Variants in SHC2 observed in about 807,000 individuals in gnomAD.
The protein encoded by SHC2 is SHC adaptor protein 2.
A neutral mutation model predicts 60.6 loss-of-function variants in SHC2; 62 were observed. The ratio of observed to expected loss-of-function variants is 1.02; its 90% CI spans 0.83 to 1.26. The LOEUF (loss-of-function observed/expected upper bound fraction) is 1.26, where lower values mean the gene tolerates loss of function less well. Among genes scored for constraint, SHC2 ranks in the 50% most tolerant of loss-of-function variants. The probability of loss-of-function intolerance (pLI) is 0.00; values close to 1 mark genes in which losing one functional copy is unlikely to be tolerated. For missense variants in SHC2, 873 were observed against 822.2 expected (o/e 1.06, Z -0.76); for synonymous variants, 375 against 372.4 (o/e 1.01, Z -0.08).
rs370526150 is a variant in SHC2 at position 419,095 on chromosome 19, C to T, written c.1621-39G>A. 48 of 1,539,440 alleles carry T rather than the reference C, an allele frequency of 3.1e-5. No homozygotes were observed. In the East Asian group the frequency reaches 4.1e-4, roughly 13 times the overall value. ...ACCTCGGCATCAGCTCCCGGGAGCC[C>T]GCCTGGACCCGTGGAGTAGGATATT... is the stretch of plus-strand genomic sequence containing the variant. On this transcript the variant is annotated intron_variant, in intron 11 of 12. Coordinates refer to ENST00000264554, the MANE Select transcript of SHC2 (RefSeq NM_012435.3).
chr19:417,726 G>T (rs1361325906), intron 12 of SHC2, among the ~76,000 whole-genome samples: 1 of 152,186 alleles, frequency 6.6e-6, no homozygotes, highest in East Asian at 1.9e-4. Flanking sequence ...GAACACAGGA[G>T]CCCGTGTGCC....
At chr19:450,360 T>C (rs1460227645) in intron 1 of SHC2, among the ~76,000 whole-genome samples, 1 of 152,218 alleles carries the variant, frequency 6.6e-6, no homozygotes, top group African/African-American at 2.4e-5. Flanking sequence ...ACACATAACA[T>C]AAAATTTAGA....
chr19:419,354 A>C, intron 11 of SHC2: 1 of 346,462 alleles, frequency 2.9e-6, no homozygotes. Flanking sequence ...ACGTGACCTC[A>C]TTTGGAAAAA....
chr19:426,120 C>T (rs2145697346), intron 9 of SHC2, among the ~76,000 whole-genome samples: 1 of 152,286 alleles, frequency 6.6e-6, no homozygotes, highest in South Asian at 2.1e-4. Context: ...CTGCCTGGAC[C>T]CCATGTGTAT....
intron 1 of SHC2, among the ~76,000 whole-genome samples, chr19:454,563 G>A (rs1010970696): frequency 2.0e-5 from 3 of 152,218 alleles, no homozygotes; most frequent in African/African-American, 7.2e-5. Flanking sequence ...CAGGCGGGCG[G>A]ATCACCTGAG....
chr19:454,661 G>A (rs1177486998), intron 1 of SHC2, among the ~76,000 whole-genome samples: 1 of 152,182 alleles, frequency 6.6e-6, no homozygotes, highest in Non-Finnish European at 1.5e-5. Flanking sequence ...ATGGTGGCGG[G>A]CGCCTGTAGT....
rs776593583 is a variant in SHC2 at position 436,645 on chromosome 19, C to T, written c.759G>A (p.Ala253=). ...CTGGCCTCACCGTGTCTCCGCCTGA[C>T]GCGAAGGAGATGGACGGCATGTGGT... The part of the protein sequence containing the change: ...ANHHMPSISF[A]SGGDTDMTDY... The change falls in exon 5 of 13, where the codon GCG becomes GCA. Residue 253 remains alanine (A), a synonymous_variant. Coordinates refer to ENST00000264554, the MANE Select transcript of SHC2 (RefSeq NM_012435.3). The T allele has an allele frequency of 3.3e-5, 53 of 1,607,266 alleles. 1 individual carries two copies. In the East Asian group the frequency reaches 3.3e-4, roughly 10 times the overall value.
intron 1 of SHC2, among the ~76,000 whole-genome samples, chr19:459,059 G>C (rs1429680394): frequency 6.6e-6 from 1 of 152,120 alleles, no homozygotes; most frequent in East Asian, 1.9e-4. Context: ...TCCTTACAGA[G>C]ACCCCTGATC....
intron 4 of SHC2, among the ~76,000 whole-genome samples, chr19:437,980 AGTTTTTT>A (rs1266278677): frequency 6.6e-6 from 1 of 151,844 alleles, no homozygotes; most frequent in African/African-American, 2.4e-5. Flanking sequence ...CTGCAATTAT[AGTTTTTT>A]GTTTTTTGGT....
chr19:417,813 C>T (rs1974187108), intron 12 of SHC2, among the ~76,000 whole-genome samples: 1 of 152,100 alleles, frequency 6.6e-6, no homozygotes, highest in South Asian at 2.1e-4. Flanking sequence ...CAGCCCGAGG[C>T]CTGGCTGGGG....
At chr19:418,556 G>A (rs12609625) in intron 12 of SHC2, among the ~76,000 whole-genome samples, 4,036 of 152,294 alleles carry the variant, frequency 0.027, 91 homozygotes, top group East Asian at 0.086. Context: ...CCCGGGCCAC[G>A]GCGCAATGCC....
At chr19:418,436 C>T (rs12610828) in intron 12 of SHC2, among the ~76,000 whole-genome samples, 5,254 of 152,342 alleles carry the variant, frequency 0.034, 146 homozygotes, top group East Asian at 0.086. Flanking sequence ...AGGCTCACGG[C>T]GGCCAAAAGG....
chr19:418,131 C>T (rs10415989), intron 12 of SHC2, among the ~76,000 whole-genome samples: 27,904 of 152,118 alleles, frequency 0.18, 3,088 homozygotes, highest in African/African-American at 0.3. Context: ...CCCCCCGGGC[C>T]CCGCACCAAA....
intron 1 of SHC2, among the ~76,000 whole-genome samples, chr19:444,114 G>A (rs1198349090): frequency 6.6e-6 from 1 of 151,626 alleles, no homozygotes; most frequent in Non-Finnish European, 1.5e-5. Flanking sequence ...GTGGATGGTT[G>A]GATGGGTGGA....
In SHC2 at chr19:460,626, TCGGCGG is replaced by T. The variant is rs755467261; in HGVS notation, c.365_370del (p.Ala122_Ala123del). The T allele has an allele frequency of 3.8e-6, 5 of 1,316,030 alleles. No homozygotes were observed. The highest frequency in any genetic ancestry group is 3.9e-6 in the Non-Finnish European group (4 of 1,025,120). 81.5% of individuals were successfully genotyped at this position (1,316,030 alleles called of 1,614,324 possible). ...GATGAAGCTGCCCTTCCGGATCCAC[TCGGCGG>T]CGGCGGCGGCGTCCCCGGACCCCGC... On this transcript the variant is annotated inframe_deletion, in exon 1 of 13. Transcript: ENST00000264554.
At chr19:442,977 G>A (rs1273362019) in intron 1 of SHC2, among the ~76,000 whole-genome samples, 3 of 148,362 alleles carry the variant, frequency 2.0e-5, no homozygotes, top group Non-Finnish European at 1.5e-5. Flanking sequence ...GTGGATGGGT[G>A]GATGGATGGA....
chr19:443,621 G>T (rs1375488560), intron 1 of SHC2, among the ~76,000 whole-genome samples: 1 of 145,518 alleles, frequency 6.9e-6, no homozygotes, highest in Non-Finnish European at 1.5e-5. Flanking sequence ...TGGATGGGTG[G>T]GTGGATGGAT....
intron 1 of SHC2, among the ~76,000 whole-genome samples, chr19:452,511 C>T (rs1263403468): frequency 8.0e-6 from 1 of 125,604 alleles, no homozygotes; most frequent in African/African-American, 3.2e-5. Context: ...GGAGTTCCTG[C>T]GTAGGTGTGC....
intron 8 of SHC2, among the ~76,000 whole-genome samples, chr19:433,233 CGTGA>C (rs1403103418): frequency 3.7e-4 from 2 of 5,368 alleles, no homozygotes; most frequent in Admixed American, 2.2e-3. Flanking sequence ...GGCGCTTCAT[CGTGA>C]GTGAGATCGT....
Sources: gnomAD v4.1 joint callset for allele counts (sites outside exome capture counted in the v4.1 genomes callset) on GRCh38, gnomAD v4.1.1 for gene constraint, MANE v1.5 for transcripts, NCBI Gene and HGNC (gene_info 2026-07-23, HGNC 2026-07-21) for gene names.